Variants in AMOTL1 observed in about 807,000 individuals in gnomAD.
AMOTL1 encodes the protein angiomotin like 1, also known as angiomotin-like protein 1.
Under a neutral mutation model 102.9 loss-of-function variants are expected in AMOTL1, and 45 were observed. The observed-to-expected ratio is 0.44, with a 90% CI of 0.34 to 0.56. AMOTL1 has a LOEUF of 0.56. Among genes scored for constraint, AMOTL1 ranks in the 20% least tolerant of loss-of-function variants. The probability of loss-of-function intolerance (pLI) is 0.01; values close to 1 mark genes in which losing one functional copy is unlikely to be tolerated. For synonymous variants in AMOTL1, 481 were observed against 484.7 expected (o/e 0.99, Z 0.10); for missense variants, 1,114 against 1,225.6 (o/e 0.91, Z 1.36).
chr11:94,731,439 G>T (rs1443865403), intron 2 of AMOTL1, among the ~76,000 whole-genome samples: 1 of 152,176 alleles, frequency 6.6e-6, no homozygotes, highest in African/African-American at 2.4e-5. Context: ...TCCAAGAAAG[G>T]TGCAGGTCCT....
intron 3 of AMOTL1, among the ~76,000 whole-genome samples, chr11:94,748,983 G>A (rs531077349): frequency 2.0e-5 from 3 of 152,174 alleles, no homozygotes; most frequent in Non-Finnish European, 4.4e-5. Flanking sequence ...CAGCTTATGG[G>A]TTGCATTAGG....
Position 94,794,971 on chromosome 11 carries a change from TTGA to T in AMOTL1, c.50-37_50-35del. ...GAGTCACACAGGAAGGAAGGAGGACTTGATGGGCACTCATATTCACTTCGCTTT... is the reference window on the plus strand; with the variant it reads ...GAGTCACACAGGAAGGAAGGAGGACTTGGGCACTCATATTCACTTCGCTTT... On this transcript the variant is annotated intron_variant, in intron 1 of 12. Coordinates refer to ENST00000433060, the MANE Select transcript of AMOTL1 (RefSeq NM_130847.3). 2.6e-6 allele frequency: 4 copies of T among 1,566,888 alleles called. No individual in the cohort carries two copies. The South Asian group carries it at 4.9e-5, about 19-fold the overall frequency.
Position 94,859,676 on chromosome 11 carries a change from A to C in AMOTL1, c.2096A>C (p.His699Pro), listed in dbSNP as rs754461745. The C allele has an allele frequency of 2.5e-6, 4 of 1,612,430 alleles. No individual in the cohort carries two copies. The South Asian group carries it at 4.4e-5, about 18-fold the overall frequency. ...QKYLEESTIR[H>P]FAMNAAATAA... ...TACCTGGAGGAGAGCACCATCCGAC[A>C]CTTTGCCATGAATGCCGCAGCCACT... The change falls in exon 9 of 13, where the codon CAC becomes CCC. Residue 699 changes from histidine to proline, a missense_variant. His to Pro is a moderately conservative substitution (Grantham distance 77). Coordinates refer to ENST00000433060, the MANE Select transcript of AMOTL1 (RefSeq NM_130847.3).
In AMOTL1 at chr11:94,771,921, G is replaced by A. The variant is rs185184009; in HGVS notation, c.49+3361G>A. ...TAGATTTAAGTTTTCAAAAACTGTC[G>A]TTCTATGGTGTGTGTTTAAACCTGT... On this transcript the variant is annotated intron_variant, in intron 1 of 12. Coordinates refer to ENST00000433060, the MANE Select transcript of AMOTL1 (RefSeq NM_130847.3). 4.5e-3 allele frequency among the ~76,000 whole-genome samples: 684 copies of A among 152,286 alleles called. 14 individuals are homozygous for A. The highest frequency in any genetic ancestry group is 0.016 in the African/African-American group (652 of 41,552).
chr11:94,830,921 G>T (rs887747982), intron 5 of AMOTL1, among the ~76,000 whole-genome samples: 1 of 152,236 alleles, frequency 6.6e-6, no homozygotes, highest in African/African-American at 2.4e-5. Flanking sequence ...TACTTGTTGA[G>T]TTGGATTATT....
At chr11:94,796,621 G>T (rs754159211) in intron 2 of AMOTL1, among the ~76,000 whole-genome samples, 13 of 152,140 alleles carry the variant, frequency 8.5e-5, no homozygotes, top group Non-Finnish European at 1.6e-4. Flanking sequence ...GGATGGGATG[G>T]GGGAGCTTGT....
chr11:94,745,045 T>C (rs957887191), intron 3 of AMOTL1, among the ~76,000 whole-genome samples: 1 of 152,188 alleles, frequency 6.6e-6, no homozygotes, highest in Admixed American at 6.5e-5. Context: ...ATCTTTATTT[T>C]CCTTGACCTG....
chr11:94,755,696 T>A (rs905160818), intron 3 of AMOTL1, among the ~76,000 whole-genome samples: 1 of 152,000 alleles, frequency 6.6e-6, no homozygotes, highest in South Asian at 2.1e-4. Context: ...CTGCTCAAAC[T>A]CCTAGAGGCC....
At position 94,796,982 on chromosome 11, in the gene AMOTL1, G is replaced by C. The variant is rs534498681; in HGVS notation, c.199+1822G>C. On this transcript the variant is annotated intron_variant, in intron 2 of 12. Coordinates refer to ENST00000433060, the MANE Select transcript of AMOTL1 (RefSeq NM_130847.3). The stretch of plus-strand genomic sequence containing the variant: ...TCACTGTAGACTGAGAAAAACGAGC[G>C]TGGCAGTTGATTAAATGTGGAGAGC... 4.1e-6 allele frequency: 4 copies of C among 985,202 alleles called. No individual in the cohort carries two copies. In the South Asian group the frequency reaches 1.9e-4, roughly 46 times the overall value. 61.0% of individuals were successfully genotyped at this position (985,202 alleles called of 1,614,324 possible).
chr11:94,769,747 T>C (rs1950917763), intron 1 of AMOTL1, among the ~76,000 whole-genome samples: 1 of 152,064 alleles, frequency 6.6e-6, no homozygotes, highest in African/African-American at 2.4e-5. Flanking sequence ...GGACCCAACA[T>C]TTTGTCCCCA....
intron 6 of AMOTL1, among the ~76,000 whole-genome samples, chr11:94,848,493 A>G (rs72973823): frequency 0.02 from 3,101 of 152,282 alleles, 48 homozygotes; most frequent in Non-Finnish European, 0.035. Context: ...TCGATTCAGA[A>G]GCTGTTCCAT....
At chr11:94,714,211 G>T (rs890243378) in intron 1 of AMOTL1, among the ~76,000 whole-genome samples, 1 of 152,026 alleles carries the variant, frequency 6.6e-6, no homozygotes, top group Non-Finnish European at 1.5e-5. Context: ...TATTGAACCA[G>T]CCTTACATAG....
At chr11:94,751,792 A>ACACACACACGTGCACACACG (rs1426953371) in intron 3 of AMOTL1, among the ~76,000 whole-genome samples, 1 of 151,468 alleles carries the variant, frequency 6.6e-6, no homozygotes, top group Non-Finnish European at 1.5e-5. Context: ...ACACACACAC[A>ACACACACACGTGCACACACG]CACACACACG....
At chr11:94,835,401 C>T (rs991621091) in intron 6 of AMOTL1, among the ~76,000 whole-genome samples, 9 of 152,226 alleles carry the variant, frequency 5.9e-5, no homozygotes, top group Admixed American at 5.2e-4. Flanking sequence ...CCTGGAAATA[C>T]CTCTTACCAT....
At chr11:94,763,501 C>T (rs1016364906), upstream of AMOTL1, among the ~76,000 whole-genome samples, 3 of 152,118 alleles carry the variant, frequency 2.0e-5, no homozygotes, top group Admixed American at 6.6e-5. Flanking sequence ...GAGTCACGGG[C>T]GCTGACCCCC....
intron 3 of AMOTL1, among the ~76,000 whole-genome samples, chr11:94,741,408 G>A (rs1950525460): frequency 6.6e-6 from 1 of 152,322 alleles, no homozygotes; most frequent in Non-Finnish European, 1.5e-5. Context: ...CGAGAAGGAC[G>A]TCGTGTGGGT....
chr11:94,747,188 G>T (rs1211497471), intron 3 of AMOTL1, among the ~76,000 whole-genome samples: 1 of 152,076 alleles, frequency 6.6e-6, no homozygotes, highest in Non-Finnish European at 1.5e-5. Context: ...CTGGACTTTA[G>T]AAAGAATAGG....
chr11:94,802,029 GT>G (rs1318885788), intron 3 of AMOTL1, among the ~76,000 whole-genome samples: 1 of 152,166 alleles, frequency 6.6e-6, no homozygotes, highest in Non-Finnish European at 1.5e-5. Context: ...CAGAGGGAGA[GT>G]GGCCTGATCT....
chr11:94,875,020 G>A lies in AMOTL1; in HGVS notation c.*4225G>A, dbSNP rs533661432. The A allele has an allele frequency of 1.3e-4, 20 of 152,340 alleles. No individual in the cohort carries two copies. The highest frequency in any genetic ancestry group is 4.8e-4 in the African/African-American group (20 of 41,580). 9.4% of individuals were successfully genotyped at this position (152,340 alleles called of 1,614,324 possible). On this transcript the variant is annotated 3_prime_UTR_variant, in exon 13 of 13. Coordinates refer to ENST00000433060, the MANE Select transcript of AMOTL1 (RefSeq NM_130847.3). ...GGATCCCACAAATGTTCTTAAATGG[G>A]TAAGGCTTTAAGTAGCCAGAGAGTA...
Sources: allele counts gnomAD v4.1 joint callset (sites outside exome capture counted in the v4.1 genomes callset), GRCh38; gene constraint gnomAD v4.1.1; transcripts MANE v1.5; gene names NCBI Gene and HGNC (gene_info 2026-07-23, HGNC 2026-07-21).